ZNF609: variants seen among roughly 807,000 people sequenced by gnomAD.
ZNF609 encodes the protein zinc finger protein 609.
Under a neutral mutation model 109.5 loss-of-function variants are expected in ZNF609, and 11 were observed. That is an observed-to-expected ratio of 0.10 (90% confidence interval 0.06 to 0.17). ZNF609 has a LOEUF of 0.17. ZNF609 is among the 10% of genes least tolerant of loss of function. ZNF609 has a pLI of 1.00. For synonymous variants in ZNF609, 646 were observed against 662.0 expected (o/e 0.98, Z 0.37); for missense variants, 1,559 against 1,772.4 (o/e 0.88, Z 2.16).
In ZNF609 at chr15:64,507,903, C is replaced by T. The variant is rs114288700; in HGVS notation, c.747+7737C>T. On this transcript the variant is annotated intron_variant, in intron 2 of 9. Transcript: ENST00000326648. The stretch of plus-strand genomic sequence containing the variant: ...TTAATATTTTAAAATATATTTCTCT[C>T]GGTACAGTTTAGTCATGGTTCAGAG... Among the ~76,000 whole-genome samples, 541 of 152,206 alleles carry T rather than the reference C, an allele frequency of 3.6e-3. 3 individuals carry two copies. The highest frequency in any genetic ancestry group is 8.9e-3 in the African/African-American group (368 of 41,512).
intron 2 of ZNF609, among the ~76,000 whole-genome samples, chr15:64,548,226 G>C (rs1231959894): frequency 6.6e-6 from 1 of 152,150 alleles, no homozygotes; most frequent in Non-Finnish European, 1.5e-5. Flanking sequence ...AAAGGTCCTA[G>C]CCTTACCAAG....
In ZNF609 at chr15:64,516,335, G is replaced by C. The variant is rs547813022; in HGVS notation, c.747+16169G>C. 2.0e-5 allele frequency among the ~76,000 whole-genome samples: 3 copies of C among 152,248 alleles called. No individual in the cohort carries two copies. The South Asian group carries it at 6.2e-4, about 32-fold the overall frequency. On this transcript the variant is annotated intron_variant, in intron 2 of 9. Coordinates refer to ENST00000326648, the MANE Select transcript of ZNF609 (RefSeq NM_015042.2). ...TTTTTCGTTTATTCAGTCTTGCTGA[G>C]TTAAGCAGAAACCTCATAGAGGTGG...
rs2083226955 is a variant in ZNF609 at position 64,684,043 on chromosome 15, A to C, written c.*2357A>C. The C allele has an allele frequency of 6.6e-6, 1 of 152,194 alleles. No individual in the cohort carries two copies. Among genetic ancestry groups the C allele is most frequent in the Non-Finnish European group, 1.5e-5 (1 of 68,034 alleles). The allele number at this position is 152,194 out of a possible 1,614,324, so 9.4% of individuals were successfully genotyped here. On this transcript the variant is annotated 3_prime_UTR_variant, in exon 10 of 10. Transcript: ENST00000326648. ...CATATCCAAGTCTCCCCTGAAGAGT[A>C]GGAGCTGCTCAGAAGAGCAGGTGAA... is the stretch of plus-strand genomic sequence containing the variant.
intron 1 of ZNF609, chr15:64,470,680 C>T (rs1468524478): frequency 6.6e-6 from 1 of 152,104 alleles, no homozygotes; most frequent in Non-Finnish European, 1.5e-5. Flanking sequence ...TGCCACCATG[C>T]CTGGCTAATT....
Position 64,675,838 on chromosome 15 carries a change from T to C in ZNF609, c.2984T>C (p.Leu995Pro). 6.2e-7 allele frequency: 1 copy of C among 1,614,150 alleles called. No homozygotes were observed. Residue 995 changes from leucine to proline, a missense_variant, in exon 5 of 10, where the codon CTG (leucine) becomes CCG (proline). Physicochemically the swap from Leu to Pro is moderately conservative, Grantham distance 98 (BLOSUM62 -3). This residue lies in a region of ZNF609 where 1,204 missense variants were observed against 1,314.1 expected (regional missense o/e 0.92). Coordinates refer to ENST00000326648, the MANE Select transcript of ZNF609 (RefSeq NM_015042.2). ...GACCAGAGTTACCACACCCACCTTC[T>C]GAGCACTAACACGGCTTACCGGCAG... ...YSDQSYHTHL[L>P]STNTAYRQQY...
chr15:64,495,792 A>C (rs149439548), intron 1 of ZNF609, among the ~76,000 whole-genome samples: 1 of 150,394 alleles, frequency 6.6e-6, no homozygotes, highest in African/African-American at 2.4e-5. Flanking sequence ...CCTTTCAACT[A>C]AGTTACACAT....
In ZNF609 at chr15:64,653,230, A is replaced by T. The variant is rs138530659; in HGVS notation, c.974-17116A>T. 8.6e-4 allele frequency among the ~76,000 whole-genome samples: 131 copies of T among 152,334 alleles called. 1 individual carries two copies. The highest frequency in any genetic ancestry group is 3.0e-3 in the African/African-American group (123 of 41,572). ...AAGAACCCTTTATTTCCTTAGACAG[A>T]TTAGGATATTCATTACCCTATGCAT... On this transcript the variant is annotated intron_variant, in intron 3 of 9. Transcript: ENST00000326648.
At chr15:64,469,054 AAACAAC>A (rs1174133631) in intron 1 of ZNF609, among the ~76,000 whole-genome samples, 2 of 135,536 alleles carry the variant, frequency 1.5e-5, no homozygotes, top group Admixed American at 1.5e-4. Context: ...AAAAAAAAAA[AAACAAC>A]ACAATTCAGC....
At chr15:64,651,439 T>C (rs1896413791) in intron 3 of ZNF609, among the ~76,000 whole-genome samples, 1 of 152,312 alleles carries the variant, frequency 6.6e-6, no homozygotes, top group East Asian at 1.9e-4. Flanking sequence ...GGCTAAATTA[T>C]AGAGCTCAGC....
At chr15:64,548,674 A>G (rs1221576317) in intron 2 of ZNF609, among the ~76,000 whole-genome samples, 1 of 152,206 alleles carries the variant, frequency 6.6e-6, no homozygotes, top group Non-Finnish European at 1.5e-5. Context: ...AGGCTAAAGT[A>G]GGACTTGAGC....
At chr15:64,568,010 C>T (rs1374078466) in intron 2 of ZNF609, among the ~76,000 whole-genome samples, 1 of 152,018 alleles carries the variant, frequency 6.6e-6, no homozygotes, top group Non-Finnish European at 1.5e-5. Flanking sequence ...TTTAAACATA[C>T]AGAAAAGTTA....
chr15:64,546,089 C>T (rs1306410754), intron 2 of ZNF609, among the ~76,000 whole-genome samples: 4 of 152,086 alleles, frequency 2.6e-5, no homozygotes, highest in African/African-American at 4.8e-5. Flanking sequence ...AAATGTTTTC[C>T]TAAGTGGTTA....
chr15:64,580,556 C>CTTTTTTT (rs66976954), intron 2 of ZNF609, among the ~76,000 whole-genome samples: 1 of 144,238 alleles, frequency 6.9e-6, no homozygotes, highest in Non-Finnish European at 1.5e-5. Context: ...CTTTTCTTTT[C>CTTTTTTT]TTTTTTTTTT....
chr15:64,541,443 AAAG>A (rs1845670960), intron 2 of ZNF609, among the ~76,000 whole-genome samples: 1 of 151,244 alleles, frequency 6.6e-6, no homozygotes, highest in African/African-American at 2.4e-5. Context: ...AAAAAAAAAA[AAAG>A]AATTGCATTT....
chr15:64,532,990 C>A (rs1380903684), intron 2 of ZNF609, among the ~76,000 whole-genome samples: 2 of 152,034 alleles, frequency 1.3e-5, no homozygotes, highest in African/African-American at 4.8e-5. Flanking sequence ...GAGAAACTAG[C>A]CTCTCTAGTT....
At chr15:64,621,633 G>C (rs1220480284) in intron 2 of ZNF609, among the ~76,000 whole-genome samples, 1 of 152,062 alleles carries the variant, frequency 6.6e-6, no homozygotes, top group African/African-American at 2.4e-5. Flanking sequence ...TAGGACTACA[G>C]GCATGAGCCA....
At chr15:64,485,733 GA>G (rs1414831272) in intron 1 of ZNF609, among the ~76,000 whole-genome samples, 1 of 152,130 alleles carries the variant, frequency 6.6e-6, no homozygotes, top group Non-Finnish European at 1.5e-5. Context: ...CCAGGAGGTG[GA>G]AACCGTAGTG....
intron 3 of ZNF609, among the ~76,000 whole-genome samples, chr15:64,667,214 T>C (rs1896661625): frequency 6.6e-6 from 1 of 152,170 alleles, no homozygotes; most frequent in African/African-American, 2.4e-5. Context: ...AAAGCCAGGA[T>C]TTGCACTGAG....
intron 3 of ZNF609, 120 bp from the exon 4 acceptor site, chr15:64,670,226 T>C: frequency 1.3e-6 from 1 of 764,574 alleles, no homozygotes; most frequent in Non-Finnish European, 2.3e-6. Context: ...ATTTGTCCCA[T>C]TGGTACCCAG....
Sources: gnomAD v4.1 joint callset for allele counts (sites outside exome capture counted in the v4.1 genomes callset) on GRCh38, gnomAD v4.1.1 for gene constraint, gnomAD v4.1.1 regional missense constraint, MANE v1.5 for transcripts, NCBI Gene and HGNC (gene_info 2026-07-23, HGNC 2026-07-21) for gene names.